Variants in ARHGAP26 observed in about 807,000 individuals in gnomAD.
ARHGAP26 encodes the protein rho GTPase-activating protein 26.
In ARHGAP26, 38 loss-of-function variants were observed where a neutral mutation model predicts 104.8. That is an observed-to-expected ratio of 0.36 (90% CI 0.28 to 0.48). The LOEUF is 0.48. ARHGAP26 is among the 20% of genes least tolerant of loss of function. ARHGAP26 has a pLI of 0.99. For missense variants in ARHGAP26, 704 were observed against 947.9 expected, an observed-to-expected ratio of 0.74 and a Z score of 3.38; for synonymous variants, 341 against 340.0, an observed-to-expected ratio of 1.00 and a Z score of -0.03.
At chr5:143,112,050 G>T (rs571726334) in intron 17 of ARHGAP26, among the ~76,000 whole-genome samples, 1 of 152,218 alleles carries the variant, frequency 6.6e-6, no homozygotes, top group Admixed American at 6.5e-5. Context: ...AGGCACTGGC[G>T]TGTGGCAGTG....
chr5:142,947,606 T>C (rs1767354650), intron 11 of ARHGAP26, among the ~76,000 whole-genome samples: 1 of 152,222 alleles, frequency 6.6e-6, no homozygotes, highest in South Asian at 2.1e-4. Context: ...AGTAGAGTGC[T>C]GTGAAACATA....
chr5:143,015,759 C>G (rs1299251350), intron 12 of ARHGAP26, among the ~76,000 whole-genome samples: 1 of 152,056 alleles, frequency 6.6e-6, no homozygotes, highest in Non-Finnish European at 1.5e-5. Context: ...GAGACCTCCC[C>G]CTACACCAGC....
intron 11 of ARHGAP26, among the ~76,000 whole-genome samples, chr5:142,953,387 G>A (rs1768703636): frequency 6.6e-6 from 1 of 152,042 alleles, no homozygotes; most frequent in Non-Finnish European, 1.5e-5. Flanking sequence ...AGCCCTGTAC[G>A]GTGCAGTGGT....
chr5:142,855,748 A>G (rs868743825), intron 1 of ARHGAP26, among the ~76,000 whole-genome samples: 1 of 152,198 alleles, frequency 6.6e-6, no homozygotes, highest in African/African-American at 2.4e-5. Context: ...AGACAGGCTC[A>G]TGAGCAAGAT....
intron 3 of ARHGAP26, among the ~76,000 whole-genome samples, 180 bp from the exon 4 acceptor site, chr5:142,879,194 G>C (rs1035238493): frequency 2.6e-5 from 4 of 152,192 alleles, no homozygotes; most frequent in African/African-American, 9.7e-5. Flanking sequence ...GTTTTGAAAT[G>C]ATGACAGTTT....
chr5:142,896,968 G>A lies in ARHGAP26; in HGVS notation c.597+2620G>A, dbSNP rs7735848. Among the ~76,000 whole-genome samples, 926 of 152,318 alleles carry A rather than the reference G, an allele frequency of 6.1e-3. 10 individuals carry two copies. Among genetic ancestry groups the A allele is most frequent in the African/African-American group, 0.021 (884 of 41,560 alleles). ...TTATTTTTTATTTATGAGCAAACGA[G>A]TGAAGTACCAATATTAACAGGGCCT... On this transcript the variant is annotated intron_variant, in intron 6 of 22. Transcript: ENST00000645722.
chr5:143,051,828 C>T (rs1410015169), intron 14 of ARHGAP26, among the ~76,000 whole-genome samples: 1 of 152,198 alleles, frequency 6.6e-6, no homozygotes, highest in Admixed American at 6.5e-5. Flanking sequence ...TCACAACTCC[C>T]AGACTTGCCA....
In ARHGAP26 at chr5:142,932,034, C is replaced by T. The variant is rs556556955; in HGVS notation, c.1029-13C>T. ...GCACTGGTTTCATATCCATGTCCCT[C>T]CTTTCTCTGCAGGCCAGGGGTTATC... On this transcript the variant is annotated splice_polypyrimidine_tract_variant and intron_variant, in intron 10 of 22. Coordinates refer to ENST00000645722, the MANE Select transcript of ARHGAP26 (RefSeq NM_001135608.3). 27 of 1,613,794 alleles carry T rather than the reference C, an allele frequency of 1.7e-5. No homozygotes were observed. The South Asian group carries it at 2.7e-4, about 16-fold the overall frequency.
chr5:142,896,954 T>G (rs1759555867), intron 6 of ARHGAP26, among the ~76,000 whole-genome samples: 1 of 152,218 alleles, frequency 6.6e-6, no homozygotes, highest in Middle Eastern at 3.2e-3. Flanking sequence ...TATTTTTTAT[T>G]TATGAGCAAA....
At chr5:142,884,437 G>A (rs530267350) in intron 4 of ARHGAP26, among the ~76,000 whole-genome samples, 5 of 152,202 alleles carry the variant, frequency 3.3e-5, no homozygotes, top group East Asian at 1.9e-4. Context: ...ACAATAATAC[G>A]GCTAATAATT....
At chr5:142,875,702 C>G (rs1238969409) in intron 3 of ARHGAP26, among the ~76,000 whole-genome samples, 1 of 152,202 alleles carries the variant, frequency 6.6e-6, no homozygotes, top group Non-Finnish European at 1.5e-5. Flanking sequence ...GAGTCAAATG[C>G]TGATCTCCAG....
At chr5:143,051,373 G>C (rs1784998938) in intron 14 of ARHGAP26, among the ~76,000 whole-genome samples, 1 of 152,198 alleles carries the variant, frequency 6.6e-6, no homozygotes, top group East Asian at 1.9e-4. Context: ...CATTCATTCT[G>C]CTTTCCCCAC....
chr5:142,805,823 GT>G (rs910474283), intron 1 of ARHGAP26, among the ~76,000 whole-genome samples: 9 of 152,138 alleles, frequency 5.9e-5, no homozygotes, highest in African/African-American at 1.9e-4. Context: ...GGTAGGGTGG[GT>G]AAAAGGCTCC....
chr5:143,102,305 C>T (rs1192601426), intron 17 of ARHGAP26, among the ~76,000 whole-genome samples: 1 of 152,164 alleles, frequency 6.6e-6, no homozygotes, highest in Non-Finnish European at 1.5e-5. Flanking sequence ...CTAGCAAGTA[C>T]CAGAGTGTGA....
intron 19 of ARHGAP26, among the ~76,000 whole-genome samples, chr5:143,145,077 A>G (rs546811569): frequency 1.5e-4 from 23 of 152,360 alleles, no homozygotes; most frequent in African/African-American, 5.0e-4. Context: ...CTGTAAAACT[A>G]TGAAGCCTTA....
In ARHGAP26 at chr5:142,770,552, C is replaced by CGTCTGCCGGGTTTCTGCT; in HGVS notation, c.-210_-209insGTCTGCCGGGTTTCTGCT. 1 of 218,014 alleles carries CGTCTGCCGGGTTTCTGCT rather than the reference C, an allele frequency of 4.6e-6. No homozygotes were observed. The highest frequency in any genetic ancestry group is 8.6e-6 in the Non-Finnish European group (1 of 116,518). 13.5% of individuals were successfully genotyped at this position (218,014 alleles called of 1,614,324 possible). On this transcript the variant is annotated 5_prime_UTR_variant, in exon 1 of 23. Coordinates refer to ENST00000645722, the MANE Select transcript of ARHGAP26 (RefSeq NM_001135608.3). ...CTCGCGATCCGCTCCGTTGCCCGCG[C>CGTCTGCCGGGTTTCTGCT]CCGGAACAGCAGCACCTCGGCCGGG...
At chr5:142,887,516 T>TTCTCAAA (rs1184127555) in intron 5 of ARHGAP26, among the ~76,000 whole-genome samples, 1 of 152,236 alleles carries the variant, frequency 6.6e-6, no homozygotes, top group African/African-American at 2.4e-5. Context: ...TCAAATTGGA[T>TTCTCAAA]GCCACTATTC....
chr5:142,805,316 G>C (rs1762798805), intron 1 of ARHGAP26, among the ~76,000 whole-genome samples: 1 of 152,042 alleles, frequency 6.6e-6, no homozygotes, highest in African/African-American at 2.4e-5. Flanking sequence ...TGGTCAGGCT[G>C]TTCTCGAAGT....
At chr5:143,063,572 G>A (rs1360210137) in intron 17 of ARHGAP26, among the ~76,000 whole-genome samples, 1 of 152,186 alleles carries the variant, frequency 6.6e-6, no homozygotes, top group Non-Finnish European at 1.5e-5. Context: ...TCACCATCCT[G>A]TTCCTACTGC....
Sources: gnomAD v4.1 joint callset for allele counts (sites outside exome capture counted in the v4.1 genomes callset) on GRCh38, gnomAD v4.1.1 for gene constraint, MANE v1.5 for transcripts, NCBI Gene and HGNC (gene_info 2026-07-23, HGNC 2026-07-21) for gene names.